Variants in RINT1 observed in about 807,000 individuals in gnomAD.
The protein encoded by RINT1 is RAD50-interacting protein 1.
RINT1 carries 75 observed loss-of-function variants against 97.7 expected under a neutral mutation model. The ratio of observed to expected loss-of-function variants is 0.77; its 90% CI spans 0.64 to 0.93. The LOEUF is 0.93. Ranked by LOEUF, RINT1 falls within the 40% of genes least tolerant of loss-of-function variation. The probability of loss-of-function intolerance (pLI) is 0.00; values close to 1 mark genes in which losing one functional copy is unlikely to be tolerated. For missense variants in RINT1, 892 were observed against 925.2 expected, an observed-to-expected ratio of 0.96 and a Z score of 0.47; for synonymous variants, 303 against 326.3, an observed-to-expected ratio of 0.93 and a Z score of 0.77.
rs1026804815 is a variant in RINT1, at chr7:105,532,253, C to G, written c.-63C>G. 2.6e-6 allele frequency: 4 copies of G among 1,532,066 alleles called. No individual in the cohort carries two copies. Among genetic ancestry groups the G allele is most frequent in the African/African-American group, 2.7e-5 (2 of 73,044 alleles). 94.9% of individuals were successfully genotyped at this position (1,532,066 alleles called of 1,614,324 possible). ...GCTGGGTAGTGAGTGTGTCGCTGGCCTTAGCCAGACTCCACAGGCCACGCT... is the reference window on the plus strand; with the variant it reads ...GCTGGGTAGTGAGTGTGTCGCTGGCGTTAGCCAGACTCCACAGGCCACGCT... On this transcript the variant is annotated 5_prime_UTR_variant, in exon 1 of 15. Coordinates refer to ENST00000257700, the MANE Select transcript of RINT1 (RefSeq NM_021930.6).
intron 12 of RINT1, among the ~76,000 whole-genome samples, chr7:105,564,923 C>G (rs887647335): frequency 6.6e-5 from 10 of 151,838 alleles, no homozygotes; most frequent in Admixed American, 2.0e-4. Context: ...TTGCTTGAAC[C>G]CTGTGGCTCT....
intron 9 of RINT1, among the ~76,000 whole-genome samples, chr7:105,550,724 T>C (rs1169156816): frequency 6.6e-6 from 1 of 152,130 alleles, no homozygotes; most frequent in Non-Finnish European, 1.5e-5. Context: ...GGGGTGTTTG[T>C]TTTATAGATT....
At chr7:105,557,814 AAAC>A (rs1449833895) in intron 11 of RINT1, among the ~76,000 whole-genome samples, 5 of 152,210 alleles carry the variant, frequency 3.3e-5, no homozygotes, top group Non-Finnish European at 7.3e-5. Context: ...TCATAGATAT[AAAC>A]AAGATAAAAA....
intron 3 of RINT1, among the ~76,000 whole-genome samples, chr7:105,539,167 C>A (rs570331040): frequency 2.8e-4 from 42 of 152,092 alleles, no homozygotes; most frequent in Non-Finnish European, 5.0e-4. Context: ...ATGTCCAAAA[C>A]TATACTGATC....
chr7:105,533,241 C>G (rs958312006), intron 2 of RINT1, among the ~76,000 whole-genome samples: 5 of 152,116 alleles, frequency 3.3e-5, no homozygotes, highest in African/African-American at 9.7e-5. Context: ...CGACCACCAC[C>G]CTAATTGGGT....
intron 11 of RINT1, among the ~76,000 whole-genome samples, chr7:105,559,715 T>C (rs1234592093): frequency 6.6e-6 from 1 of 152,196 alleles, no homozygotes; most frequent in Non-Finnish European, 1.5e-5. Flanking sequence ...AGCAAAACTC[T>C]GTCTCAAAAA....
At chr7:105,537,164 C>T (rs2030975) in intron 3 of RINT1, among the ~76,000 whole-genome samples, 4,041 of 123,300 alleles carry the variant, frequency 0.033, 189 homozygotes, top group African/African-American at 0.11. Flanking sequence ...GAGTTTTGCT[C>T]TTGTTGCCCA....
At chr7:105,534,881 G>A (rs1326199989) in intron 2 of RINT1, among the ~76,000 whole-genome samples, 2 of 152,100 alleles carry the variant, frequency 1.3e-5, no homozygotes, top group Non-Finnish European at 2.9e-5. Context: ...AATTTTGTTT[G>A]TTGGGGTGTA....
intron 9 of RINT1, among the ~76,000 whole-genome samples, chr7:105,550,842 C>T (rs1317633063): frequency 6.6e-6 from 1 of 152,026 alleles, no homozygotes; most frequent in Admixed American, 6.6e-5. Flanking sequence ...GCAACCTCCA[C>T]CCCCTGCGTT....
rs146347427 is a variant in RINT1 at position 105,563,034 on chromosome 7, C to T, written c.1672-699C>T. Among the ~76,000 whole-genome samples, 18 of 152,176 alleles carry T rather than the reference C, an allele frequency of 1.2e-4. No individual in the cohort carries two copies. The East Asian group carries it at 3.5e-3, about 29-fold the overall frequency. ...GATGAATGGATAAATAAAATGTGGT[C>T]TATCTATATAATGGAATATTACCTG... On this transcript the variant is annotated intron_variant, in intron 11 of 14. Transcript: ENST00000257700.
At position 105,542,420 on chromosome 7, in the gene RINT1, T is replaced by C. The variant is rs760830685; in HGVS notation, c.286T>C (p.Ser96Pro). 1 of 1,603,402 alleles carries C rather than the reference T, an allele frequency of 6.2e-7. No individual in the cohort carries two copies. Among genetic ancestry groups the C allele is most frequent in the East Asian group, 2.2e-5 (1 of 44,816 alleles). The part of the protein sequence containing the change: ...MQLEEQVLTI[S>P]SEIPKRIRSA... Reference sequence around the variant, plus strand: ...AAATTATGGTCAGGTACTTACAATTTCATCAGAAATTCCTAAAAGAATTCG... The same window carrying C: ...AAATTATGGTCAGGTACTTACAATTCCATCAGAAATTCCTAAAAGAATTCG... The change falls in exon 4 of 15, where the codon TCA becomes CCA. Residue 96 changes from serine to proline, a missense_variant. Transcript: ENST00000257700.
Position 105,548,584 on chromosome 7 carries a change from C to G in RINT1, c.870C>G (p.Leu290=). Residue 290 remains leucine, a synonymous_variant, in exon 7 of 15, where the codon CTC becomes CTG. Transcript: ENST00000257700. ...AATTACTTACTGAGCCAAAGCAACT[C>G]CCAGAAAAATACTCTCTTCCTGCCT... ...SDELLTEPKQ[L]PEKYSLPASP... 1 of 1,614,116 alleles carries G rather than the reference C, an allele frequency of 6.2e-7. No homozygotes were observed. The highest frequency in any genetic ancestry group is 8.5e-7 in the Non-Finnish European group (1 of 1,180,006).
intron 12 of RINT1, 28 bp from the exon 13 acceptor site, chr7:105,565,249 T>G: frequency 1.9e-6 from 3 of 1,558,390 alleles, no homozygotes; most frequent in Non-Finnish European, 2.6e-6. Context: ...CTGATGAAAA[T>G]TTTTTGGTAA....
intron 11 of RINT1, among the ~76,000 whole-genome samples, chr7:105,555,977 AAACT>A (rs1429500989): frequency 1.3e-5 from 2 of 152,128 alleles, no homozygotes; most frequent in East Asian, 1.9e-4. Flanking sequence ...TAAAAATAAG[AAACT>A]AACATTTCAT....
At position 105,542,589 on chromosome 7, in the gene RINT1, T is replaced by C. The variant is rs1258669957; in HGVS notation, c.455T>C (p.Ile152Thr). ...MDDLGTMISQ[I>T]EEIERHLAYL... Reference sequence around the variant, plus strand: ...GATCTTGGAACCATGATTAGCCAGATTGAAGAGATCGAACGTCATCTTGCT... The same window carrying C: ...GATCTTGGAACCATGATTAGCCAGACTGAAGAGATCGAACGTCATCTTGCT... Residue 152 changes from isoleucine (I) to threonine (T), a missense_variant, in exon 4 of 15, where the codon ATT becomes ACT. Ile to Thr is a moderately conservative substitution (Grantham distance 89). Transcript: ENST00000257700. 9 of 1,614,002 alleles carry C rather than the reference T, an allele frequency of 5.6e-6. No homozygotes were observed. The highest frequency in any genetic ancestry group is 5.3e-5 in the African/African-American group (4 of 74,918).
intron 10 of RINT1, among the ~76,000 whole-genome samples, chr7:105,552,873 C>CA (rs1790993464): frequency 6.6e-6 from 1 of 151,680 alleles, no homozygotes. Context: ...GGGGTTTCAC[C>CA]ATCTTAGCCA....
intron 11 of RINT1, among the ~76,000 whole-genome samples, chr7:105,557,666 G>A (rs2133436234): frequency 6.6e-6 from 1 of 152,136 alleles, no homozygotes; most frequent in South Asian, 2.1e-4. Flanking sequence ...TACTTCTAAA[G>A]CATTGTATAG....
rs561290518 is a variant in RINT1 at position 105,546,814 on chromosome 7, T to C, written c.516-96T>C. 563 of 807,374 alleles carry C rather than the reference T, an allele frequency of 7.0e-4. 3 individuals carry two copies. The African/African-American group carries it at 8.5e-3, about 12-fold the overall frequency. The allele number at this position is 807,374 out of a possible 1,614,324, so 50.0% of individuals were successfully genotyped here. A position where few individuals can be genotyped will look rare whatever the true frequency, so the allele number is the denominator to read the frequency against. On this transcript the variant is annotated intron_variant, in intron 4 of 14. Transcript: ENST00000257700. ...TCACTTGAACCTGGGACACAGAATT[T>C]GCATTGAGCCAAATCATGCCACTGC... is the stretch of plus-strand genomic sequence containing the variant.
chr7:105,545,617 C>T (rs905382941), intron 4 of RINT1, among the ~76,000 whole-genome samples: 1 of 151,448 alleles, frequency 6.6e-6, no homozygotes, highest in African/African-American at 2.4e-5. Context: ...CCTCTGTCTT[C>T]TGGGTTCAAG....
Sources: gnomAD v4.1 joint callset for allele counts (sites outside exome capture counted in the v4.1 genomes callset) on GRCh38, gnomAD v4.1.1 for gene constraint, MANE v1.5 for transcripts, NCBI Gene and HGNC (gene_info 2026-07-23, HGNC 2026-07-21) for gene names.